Variants in SGCZ observed in about 807,000 individuals in gnomAD.
The protein encoded by SGCZ is zeta-sarcoglycan.
A neutral mutation model predicts 41.3 loss-of-function variants in SGCZ; 40 were observed. The ratio of observed to expected loss-of-function variants is 0.97; its 90% CI spans 0.75 to 1.26. The LOEUF (loss-of-function observed/expected upper bound fraction) is 1.26, where lower values mean the gene tolerates loss of function less well. SGCZ is among the 50% of genes most tolerant of loss of function. The pLI is 0.00. For synonymous variants in SGCZ, 206 were observed against 137.5 expected (o/e 1.50, Z -3.49); for missense variants, 552 against 369.8 (o/e 1.49, Z -4.04).
intron 2 of SGCZ, among the ~76,000 whole-genome samples, chr8:14,363,542 T>C (rs966779760): frequency 2.0e-5 from 3 of 152,050 alleles, no homozygotes; most frequent in Non-Finnish European, 4.4e-5. Flanking sequence ...TTCTTCTTTT[T>C]TTTTCCCCCA....
chr8:14,950,043 A>G (rs1407737146), intron 1 of SGCZ, among the ~76,000 whole-genome samples: 1 of 152,088 alleles, frequency 6.6e-6, no homozygotes, highest in Non-Finnish European at 1.5e-5. Context: ...CAGCTACTAA[A>G]GGCTTTCAAA....
At chr8:14,126,188 C>A (rs1802853481) in intron 5 of SGCZ, among the ~76,000 whole-genome samples, 1 of 152,174 alleles carries the variant, frequency 6.6e-6, no homozygotes, top group Non-Finnish European at 1.5e-5. Context: ...TCAGAGTGAA[C>A]AGGCAACCTA....
intron 1 of SGCZ, among the ~76,000 whole-genome samples, chr8:14,634,808 T>G (rs1350669948): frequency 6.6e-6 from 1 of 152,038 alleles, no homozygotes; most frequent in East Asian, 1.9e-4. Context: ...ACTTTCCAGA[T>G]AATTCAGAAA....
chr8:14,883,070 G>C (rs1367183259), intron 1 of SGCZ, among the ~76,000 whole-genome samples: 6 of 151,816 alleles, frequency 4.0e-5, no homozygotes, highest in African/African-American at 1.5e-4. Flanking sequence ...TTTTTGAAAA[G>C]AAGCTTCAAA....
At chr8:14,684,750 T>C (rs1460466770) in intron 1 of SGCZ, among the ~76,000 whole-genome samples, 7 of 151,876 alleles carry the variant, frequency 4.6e-5, no homozygotes, top group Non-Finnish European at 8.8e-5. Flanking sequence ...ACATCATATA[T>C]AAAATTGCTG....
chr8:15,204,841 G>C (rs1199618900), intron 1 of SGCZ, among the ~76,000 whole-genome samples: 3 of 152,132 alleles, frequency 2.0e-5, no homozygotes, highest in East Asian at 3.8e-4. Context: ...TCCCAAGAGA[G>C]GGGAACTATC....
chr8:15,014,996 C>T (rs1436342652), intron 1 of SGCZ, among the ~76,000 whole-genome samples: 1 of 152,212 alleles, frequency 6.6e-6, no homozygotes, highest in African/African-American at 2.4e-5. Flanking sequence ...TGTAATCCCA[C>T]TTTGGGAGGC....
chr8:15,137,716 G>C (rs926597969), intron 1 of SGCZ, among the ~76,000 whole-genome samples: 3 of 152,210 alleles, frequency 2.0e-5, no homozygotes, highest in Non-Finnish European at 2.9e-5. Context: ...GTGAGGTTTG[G>C]AAACCTCTGC....
At chr8:14,905,646 C>T (rs1799099797) in intron 1 of SGCZ, among the ~76,000 whole-genome samples, 1 of 152,026 alleles carries the variant, frequency 6.6e-6, no homozygotes, top group African/African-American at 2.4e-5. Context: ...CAGTGTTTAT[C>T]ATAGTGTCAA....
At chr8:14,654,767 C>G (rs921665831) in intron 1 of SGCZ, among the ~76,000 whole-genome samples, 8 of 150,688 alleles carry the variant, frequency 5.3e-5, no homozygotes, top group Admixed American at 3.3e-4. Flanking sequence ...TTTGAAATAA[C>G]TTTAGGTGTT....
intron 1 of SGCZ, among the ~76,000 whole-genome samples, chr8:14,783,610 C>G (rs1430054639): frequency 6.6e-6 from 1 of 152,026 alleles, no homozygotes; most frequent in African/African-American, 2.4e-5. Context: ...ACAACCAATT[C>G]CTGCTGGTTT....
chr8:14,239,829 G>C (rs1798799171), intron 3 of SGCZ, among the ~76,000 whole-genome samples: 1 of 142,836 alleles, frequency 7.0e-6, no homozygotes, highest in Admixed American at 7.1e-5. Context: ...GTGAACCCGG[G>C]AGGCGGAGCT....
At chr8:14,345,337 C>T (rs903106931) in intron 2 of SGCZ, among the ~76,000 whole-genome samples, 1 of 152,072 alleles carries the variant, frequency 6.6e-6, no homozygotes, top group Admixed American at 6.6e-5. Flanking sequence ...TGAGAAGGCA[C>T]ATTTGGAAAA....
chr8:14,091,930 C>T (rs188431609), intron 7 of SGCZ, among the ~76,000 whole-genome samples: 1 of 152,202 alleles, frequency 6.6e-6, no homozygotes, highest in African/African-American at 2.4e-5. Context: ...AAGTTTTCTT[C>T]TAGGGTTTTT....
At chr8:15,144,656 C>G (rs1342631633) in intron 1 of SGCZ, among the ~76,000 whole-genome samples, 1 of 152,098 alleles carries the variant, frequency 6.6e-6, no homozygotes, top group Non-Finnish European at 1.5e-5. Flanking sequence ...GGGTTTCACT[C>G]TGTTGGCCAT....
intron 4 of SGCZ, among the ~76,000 whole-genome samples, chr8:14,210,427 C>T (rs1435938828): frequency 6.6e-6 from 1 of 151,688 alleles, no homozygotes; most frequent in Non-Finnish European, 1.5e-5. Flanking sequence ...TTAATTGTTC[C>T]CTTTCTAGTA....
At chr8:14,930,312 C>T (rs895096323) in intron 1 of SGCZ, among the ~76,000 whole-genome samples, 1 of 151,808 alleles carries the variant, frequency 6.6e-6, no homozygotes, top group African/African-American at 2.4e-5. Context: ...GTTAGAATGG[C>T]GATCATTAAA....
At chr8:14,547,768 G>C (rs1040979620) in intron 2 of SGCZ, among the ~76,000 whole-genome samples, 1 of 152,082 alleles carries the variant, frequency 6.6e-6, no homozygotes, top group Non-Finnish European at 1.5e-5. Flanking sequence ...AGCTAGTCTT[G>C]GAGCCATAAT....
At chr8:15,228,689 T>A (rs1452256900) in intron 1 of SGCZ, among the ~76,000 whole-genome samples, 1 of 152,174 alleles carries the variant, frequency 6.6e-6, no homozygotes, top group Non-Finnish European at 1.5e-5. Context: ...AACAAAATAA[T>A]CATTTAAGAC....
Sources: gnomAD v4.1 joint callset for allele counts (sites outside exome capture counted in the v4.1 genomes callset) on GRCh38, gnomAD v4.1.1 for gene constraint, MANE v1.5 for transcripts, NCBI Gene and HGNC (gene_info 2026-07-23, HGNC 2026-07-21) for gene names.